CCDC7: variants seen among roughly 807,000 people sequenced by gnomAD.
The protein encoded by CCDC7 is coiled-coil domain-containing protein 7.
Under a neutral mutation model 196.9 loss-of-function variants are expected in CCDC7, and 183 were observed. The observed-to-expected ratio is 0.93, with a 90% CI of 0.82 to 1.05. CCDC7 has a LOEUF of 1.05. Ranked by LOEUF, CCDC7 falls within the 50% of genes least tolerant of loss-of-function variation. The pLI, the probability that CCDC7 is intolerant of heterozygous loss-of-function variation, is 0.00. For synonymous variants in CCDC7, 525 were observed against 484.6 expected, an observed-to-expected ratio of 1.08 and a Z score of -1.10; for missense variants, 1,540 against 1,482.2, an observed-to-expected ratio of 1.04 and a Z score of -0.64.
intron 20 of CCDC7, among the ~76,000 whole-genome samples, chr10:32,651,255 A>G (rs1346845201): frequency 6.6e-6 from 1 of 152,140 alleles, no homozygotes; most frequent in Non-Finnish European, 1.5e-5. Flanking sequence ...CCCCTTCCTC[A>G]GGCACCATTT....
intron 28 of CCDC7, among the ~76,000 whole-genome samples, chr10:32,739,240 CT>C (rs1283619254): frequency 6.6e-6 from 1 of 151,492 alleles, no homozygotes; most frequent in African/African-American, 2.4e-5. Context: ...TTCTTGTTTG[CT>C]TTTTCTCCTT....
At chr10:32,662,799 A>G (rs1565022128) in intron 20 of CCDC7, among the ~76,000 whole-genome samples, 1 of 152,208 alleles carries the variant, frequency 6.6e-6, no homozygotes, top group Non-Finnish European at 1.5e-5. Flanking sequence ...CAATTGAGCT[A>G]GATAACCAAT....
chr10:32,860,337 G>A lies in CCDC7; in HGVS notation c.4111+5848G>A, dbSNP rs191656064. ...CCACATGATTATTTCAATAGATGCC[G>A]AAAAGGCCTTTGACAAAATTTAACA... On this transcript the variant is annotated intron_variant, in intron 41 of 41. Transcript: ENST00000639629. 1.2e-4 allele frequency among the ~76,000 whole-genome samples: 18 copies of A among 152,236 alleles called. No homozygotes were observed. In the East Asian group the frequency reaches 2.3e-3, roughly 20 times the overall value.
Position 32,708,471 on chromosome 10 carries a change from G to T in CCDC7, c.2459-3149G>T, listed in dbSNP as rs12263435. On this transcript the variant is annotated intron_variant, in intron 24 of 41. Coordinates refer to ENST00000639629, the Ensembl canonical transcript of CCDC7. ...GCAACGAAAGCCAAAATAGACAAAT[G>T]GGATCTAATTAAACTGAAGAGCTTC... Among the ~76,000 whole-genome samples the T allele has an allele frequency of 3.7e-3, 558 of 152,236 alleles. 1 individual carries two copies. Among genetic ancestry groups the T allele is most frequent in the African/African-American group, 0.01 (427 of 41,530 alleles).
At chr10:32,554,394 GT>G (rs894983852) in intron 13 of CCDC7, among the ~76,000 whole-genome samples, 5 of 152,178 alleles carry the variant, frequency 3.3e-5, no homozygotes, top group South Asian at 2.1e-4. Context: ...TCCCTGTGGA[GT>G]TTTACCCCCT....
chr10:32,485,663 T>G (rs558809632), intron 8 of CCDC7, among the ~76,000 whole-genome samples: 1 of 152,248 alleles, frequency 6.6e-6, no homozygotes, highest in Non-Finnish European at 1.5e-5. Context: ...TACACACTGC[T>G]TTGAATGTGT....
At chr10:32,695,801 A>G (rs1004539907) in intron 24 of CCDC7, among the ~76,000 whole-genome samples, 1 of 152,152 alleles carries the variant, frequency 6.6e-6, no homozygotes, top group Non-Finnish European at 1.5e-5. Flanking sequence ...GGCATTTACA[A>G]TGTCAGTTGC....
At chr10:32,707,271 T>G (rs943656574) in intron 24 of CCDC7, among the ~76,000 whole-genome samples, 3 of 152,120 alleles carry the variant, frequency 2.0e-5, no homozygotes, top group African/African-American at 7.2e-5. Flanking sequence ...AATTCAACAG[T>G]TGTTCATGCT....
chr10:32,811,919 A>G lies in CCDC7; in HGVS notation c.3098-2451A>G, dbSNP rs922701165. 2.0e-5 allele frequency among the ~76,000 whole-genome samples: 3 copies of G among 152,248 alleles called. No homozygotes were observed. In the South Asian group the frequency reaches 6.2e-4, roughly 32 times the overall value. On this transcript the variant is annotated intron_variant, in intron 30 of 41. Transcript: ENST00000639629. ...CGGATGTAAGGGTGGTTTAACATATACAAATCAATAAACAAGGTAGATCAA... is the reference window on the plus strand; with the variant it reads ...CGGATGTAAGGGTGGTTTAACATATGCAAATCAATAAACAAGGTAGATCAA...
intron 24 of CCDC7, among the ~76,000 whole-genome samples, chr10:32,701,523 TG>T (rs2078722623): frequency 6.6e-6 from 1 of 152,326 alleles, no homozygotes; most frequent in African/African-American, 2.4e-5. Context: ...AGGATGATGC[TG>T]GCCTCATAAA....
chr10:32,509,513 C>T (rs1485870593), intron 9 of CCDC7, among the ~76,000 whole-genome samples: 1 of 48,266 alleles, frequency 2.1e-5, no homozygotes, highest in African/African-American at 7.6e-5. Context: ...TTGGACATTA[C>T]ACCAAAAAAA....
At chr10:32,516,068 A>G (rs953361379) in intron 9 of CCDC7, among the ~76,000 whole-genome samples, 2 of 152,074 alleles carry the variant, frequency 1.3e-5, no homozygotes, top group African/African-American at 4.8e-5. Context: ...TATCAAAAAC[A>G]TGAAAAAAAA....
chr10:32,700,570 A>C (rs914623917), intron 24 of CCDC7, among the ~76,000 whole-genome samples: 6 of 152,178 alleles, frequency 3.9e-5, no homozygotes, highest in Non-Finnish European at 7.3e-5. Flanking sequence ...ACTTTAAAGT[A>C]GTTTACTCCA....
chr10:32,471,360 A>C, intron 6 of CCDC7, 130 bp downstream of exon 7: 1 of 1,113,910 alleles, frequency 9.0e-7, no homozygotes, highest in Non-Finnish European at 1.2e-6. Context: ...AGGTCTAGTC[A>C]GCTTGTTTCT....
At chr10:32,500,193 C>T (rs2043691839) in intron 9 of CCDC7, among the ~76,000 whole-genome samples, 1 of 150,940 alleles carries the variant, frequency 6.6e-6, no homozygotes, top group Admixed American at 6.6e-5. Flanking sequence ...CAGAGGCGCC[C>T]CCCACCTCCC....
At chr10:32,854,482 C>A (rs1480320653) in exon 41 of CCDC7, 1 of 1,542,176 alleles carries the variant, frequency 6.5e-7, no homozygotes, top group Admixed American at 1.7e-5. Context: ...GAAAACCTAC[C>A]TATAAAGGTA....
chr10:32,825,978 C>G (rs111887706), intron 32 of CCDC7, among the ~76,000 whole-genome samples: 7,942 of 152,192 alleles, frequency 0.052, 683 homozygotes, highest in African/African-American at 0.18. Flanking sequence ...AACAGCTTCC[C>G]CATCCCCAGT....
intron 38 of CCDC7, among the ~76,000 whole-genome samples, 196 bp downstream of exon 39, chr10:32,848,112 G>T (rs891054983): frequency 6.6e-6 from 1 of 152,050 alleles, no homozygotes; most frequent in Non-Finnish European, 1.5e-5. Flanking sequence ...TCTAGACAAT[G>T]ATTTTAAAAA....
chr10:32,596,427 TC>T (rs2060365170), intron 18 of CCDC7, among the ~76,000 whole-genome samples: 1 of 152,174 alleles, frequency 6.6e-6, no homozygotes, highest in Non-Finnish European at 1.5e-5. Flanking sequence ...CCTATGTGTG[TC>T]TCTGCACATG....
Sources: allele counts gnomAD v4.1 joint callset (sites outside exome capture counted in the v4.1 genomes callset), GRCh38; gene constraint gnomAD v4.1.1; transcripts MANE v1.5; gene names NCBI Gene and HGNC (gene_info 2026-07-23, HGNC 2026-07-21).